Variants in KCND2 observed in about 807,000 individuals in gnomAD.
KCND2 encodes potassium voltage-gated channel subfamily D member 2.
KCND2 carries 16 observed loss-of-function variants against 54.4 expected under a neutral mutation model. The ratio of observed to expected loss-of-function variants is 0.29; its 90% confidence interval spans 0.20 to 0.45. KCND2 has a LOEUF of 0.45. KCND2 is among the 20% of genes least tolerant of loss of function. The probability of loss-of-function intolerance (pLI) is 1.00; values close to 1 mark genes in which losing one functional copy is unlikely to be tolerated. For missense variants in KCND2, 486 were observed against 824.2 expected, an observed-to-expected ratio of 0.59 and a Z score of 5.02; for synonymous variants, 317 against 310.7, an observed-to-expected ratio of 1.02 and a Z score of -0.21.
At chr7:120,407,196 A>T (rs1227168346) in intron 1 of KCND2, among the ~76,000 whole-genome samples, 1 of 152,020 alleles carries the variant, frequency 6.6e-6, no homozygotes, top group African/African-American at 2.4e-5. Flanking sequence ...CCCGTGAATC[A>T]TCCCACAGCG....
intron 1 of KCND2, among the ~76,000 whole-genome samples, chr7:120,460,143 C>G (rs1802263046): frequency 6.6e-6 from 1 of 152,142 alleles, no homozygotes; most frequent in South Asian, 2.1e-4. Flanking sequence ...TCCTCCATAA[C>G]TAAGCATGTT....
At chr7:120,699,247 A>C (rs1364395357) in intron 1 of KCND2, among the ~76,000 whole-genome samples, 1 of 151,604 alleles carries the variant, frequency 6.6e-6, no homozygotes, top group African/African-American at 2.4e-5. Context: ...GCGCCACTGC[A>C]CTCCAGCCTG....
At chr7:120,647,073 A>G (rs1197168925) in intron 1 of KCND2, among the ~76,000 whole-genome samples, 2 of 152,270 alleles carry the variant, frequency 1.3e-5, no homozygotes, top group East Asian at 3.8e-4. Context: ...AATAATTTCT[A>G]TAATACCAGG....
At chr7:120,682,878 G>A (rs1372462274) in intron 1 of KCND2, among the ~76,000 whole-genome samples, 3 of 152,084 alleles carry the variant, frequency 2.0e-5, no homozygotes, top group Admixed American at 6.6e-5. Flanking sequence ...CCATTATTTG[G>A]TTTGTTGGTG....
At chr7:120,645,680 A>C (rs1292016600) in intron 1 of KCND2, among the ~76,000 whole-genome samples, 1 of 152,218 alleles carries the variant, frequency 6.6e-6, no homozygotes, top group African/African-American at 2.4e-5. Context: ...GACAATTGGC[A>C]TGCTAATATA....
chr7:120,501,867 G>T (rs1342878928), intron 1 of KCND2, among the ~76,000 whole-genome samples: 2 of 151,842 alleles, frequency 1.3e-5, no homozygotes, highest in East Asian at 3.9e-4. Context: ...ATTCATTTGG[G>T]TGACTAGAAG....
chr7:120,529,524 G>T (rs1195024423), intron 1 of KCND2, among the ~76,000 whole-genome samples: 3 of 152,142 alleles, frequency 2.0e-5, no homozygotes, highest in Non-Finnish European at 4.4e-5. Context: ...GTCTTTCCTA[G>T]TTGACCCCTG....
Position 120,275,262 on chromosome 7 carries a change from A to T in KCND2, c.630A>T (p.Gly210=), listed in dbSNP as rs779064666. Residue 210 remains glycine (G), a synonymous_variant, in exon 1 of 6, where the codon GGA becomes GGT. Coordinates refer to ENST00000331113, the MANE Select transcript of KCND2 (RefSeq NM_012281.3). ...IANVVETVPC[G]SSPGHIKELP... ...ATGTGGTGGAAACAGTGCCGTGCGGATCAAGCCCAGGTCACATTAAAGAAC... is the reference window on the plus strand; with the variant it reads ...ATGTGGTGGAAACAGTGCCGTGCGGTTCAAGCCCAGGTCACATTAAAGAAC... 6.2e-7 allele frequency: 1 copy of T among 1,613,716 alleles called. No homozygotes were observed. The highest frequency in any genetic ancestry group is 8.5e-7 in the Non-Finnish European group (1 of 1,179,966).
chr7:120,362,528 T>C (rs1800606198), intron 1 of KCND2, among the ~76,000 whole-genome samples: 1 of 152,048 alleles, frequency 6.6e-6, no homozygotes, highest in Non-Finnish European at 1.5e-5. Context: ...GTAAATAGAA[T>C]GTGAATGTTG....
chr7:120,559,393 T>C (rs565171925), intron 1 of KCND2, among the ~76,000 whole-genome samples: 2 of 152,228 alleles, frequency 1.3e-5, no homozygotes, highest in East Asian at 3.9e-4. Flanking sequence ...ACTTGCAGAG[T>C]AGTCAGTTCT....
At chr7:120,314,041 G>T (rs1431880322) in intron 1 of KCND2, among the ~76,000 whole-genome samples, 1 of 149,924 alleles carries the variant, frequency 6.7e-6, no homozygotes, top group Non-Finnish European at 1.5e-5. Flanking sequence ...AATACAGTAA[G>T]GACACTTTTA....
At chr7:120,632,044 C>A (rs1380494029) in intron 1 of KCND2, among the ~76,000 whole-genome samples, 1 of 152,130 alleles carries the variant, frequency 6.6e-6, no homozygotes, top group African/African-American at 2.4e-5. Flanking sequence ...TCTAATACCC[C>A]AATTTCCTGG....
intron 1 of KCND2, among the ~76,000 whole-genome samples, chr7:120,280,050 T>C (rs1160688111): frequency 6.6e-6 from 1 of 151,994 alleles, no homozygotes; most frequent in African/African-American, 2.4e-5. Context: ...GCTAGTGCAT[T>C]AATATAAAAC....
chr7:120,406,712 A>G (rs757006045), intron 1 of KCND2, among the ~76,000 whole-genome samples: 2 of 152,018 alleles, frequency 1.3e-5, no homozygotes, highest in Non-Finnish European at 2.9e-5. Flanking sequence ...GAAATGAAGA[A>G]TGGAAACAGG....
At chr7:120,595,268 A>G (rs1036612058) in intron 1 of KCND2, among the ~76,000 whole-genome samples, 2 of 151,486 alleles carry the variant, frequency 1.3e-5, no homozygotes, top group Non-Finnish European at 2.9e-5. Flanking sequence ...CCTGGTCAAC[A>G]TGGTGAAACC....
At chr7:120,478,931 T>A (rs1428262982) in intron 1 of KCND2, among the ~76,000 whole-genome samples, 1 of 152,188 alleles carries the variant, frequency 6.6e-6, no homozygotes, top group Non-Finnish European at 1.5e-5. Context: ...TTATGTATTT[T>A]TACACAAAGG....
chr7:120,748,898 CT>C lies in KCND2; in HGVS notation c.*1044del, dbSNP rs1317880711. On this transcript the variant is annotated 3_prime_UTR_variant, in exon 6 of 6. Transcript: ENST00000331113. ...TACTGTAGTTCAAGTGACTTTCCTA[CT>C]TTTGTATTTCCAAAAAAAATTATCT... The C allele has an allele frequency of 6.6e-6, 1 of 151,834 alleles. No individual in the cohort carries two copies. The highest frequency in any genetic ancestry group is 1.5e-5 in the Non-Finnish European group (1 of 67,840). 9.4% of individuals were successfully genotyped at this position (151,834 alleles called of 1,614,324 possible). A position where few individuals can be genotyped will look rare whatever the true frequency, so the allele number is the denominator to read the frequency against.
intron 1 of KCND2, among the ~76,000 whole-genome samples, chr7:120,385,157 C>T (rs928634378): frequency 1.3e-5 from 2 of 151,436 alleles, no homozygotes; most frequent in African/African-American, 4.8e-5. Context: ...CAGGTGCATG[C>T]CACCACGCTC....
At chr7:120,519,153 A>G (rs1213191300) in intron 1 of KCND2, among the ~76,000 whole-genome samples, 1 of 151,670 alleles carries the variant, frequency 6.6e-6, no homozygotes, top group Non-Finnish European at 1.5e-5. Context: ...CGTGGTGAAA[A>G]CCCTTCTCTA....
Sources: allele counts gnomAD v4.1 joint callset (sites outside exome capture counted in the v4.1 genomes callset), GRCh38; gene constraint gnomAD v4.1.1; transcripts MANE v1.5; gene names NCBI Gene and HGNC (gene_info 2026-07-23, HGNC 2026-07-21).